MID1: variants seen among roughly 807,000 people sequenced by gnomAD.
The protein encoded by MID1 is midline 1.
Under a neutral mutation model 40.4 loss-of-function variants are expected in MID1, and 7 were observed. The ratio of observed to expected loss-of-function variants is 0.17; its 90% confidence interval spans 0.10 to 0.33. The LOEUF is 0.33. Among genes scored for constraint, MID1 ranks in the 10% least tolerant of loss-of-function variants. The pLI is 1.00. For missense variants in MID1, 367 were observed against 558.5 expected (o/e 0.66, Z 3.46); for synonymous variants, 229 against 221.2 (o/e 1.04, Z -0.31).
At chrX:10,639,590 T>G (rs943282906) in intron 1 of MID1, among the ~76,000 whole-genome samples, 26 of 111,886 alleles carry the variant, frequency 2.3e-4, no homozygotes, top group Non-Finnish European at 4.1e-4. Flanking sequence ...AAAACACTCT[T>G]CAGGATATTA....
At chrX:10,636,266 C>G (rs1179666644) in intron 1 of MID1, among the ~76,000 whole-genome samples, 2 of 112,016 alleles carry the variant, frequency 1.8e-5, no homozygotes, top group African/African-American at 3.2e-5. Flanking sequence ...TAAGAAAGCA[C>G]TTTCTCTTTC....
intron 1 of MID1, among the ~76,000 whole-genome samples, chrX:10,605,567 T>C (rs944763453): frequency 1.6e-4 from 18 of 112,296 alleles, no homozygotes; most frequent in Non-Finnish European, 2.3e-4. Flanking sequence ...CTGGTTCTTA[T>C]GGCTATAATG....
chrX:10,683,089 C>T (rs2043069998), intron 1 of MID1, among the ~76,000 whole-genome samples: 1 of 112,141 alleles, frequency 8.9e-6, no homozygotes, highest in Non-Finnish European at 1.9e-5. Flanking sequence ...GTCATTTTCT[C>T]TTCCTTGATC....
chrX:10,660,027 T>G (rs1189334366), intron 1 of MID1, among the ~76,000 whole-genome samples: 1 of 112,361 alleles, frequency 8.9e-6, no homozygotes, highest in African/African-American at 3.2e-5. Flanking sequence ...GAGAATGTTC[T>G]TAAGAATTCC....
At chrX:10,516,609 T>TGTGC (rs1491262374) in intron 3 of MID1, among the ~76,000 whole-genome samples, 95 of 50,353 alleles carry the variant, frequency 1.9e-3, no homozygotes, top group African/African-American at 3.8e-3. Context: ...TGTGTGTGTG[T>TGTGC]GCGCGCGCGC....
At chrX:10,571,942 A>T (rs1934738298) in intron 1 of MID1, among the ~76,000 whole-genome samples, 1 of 109,171 alleles carries the variant, frequency 9.2e-6, no homozygotes, top group African/African-American at 3.3e-5. Flanking sequence ...CATGCCAAAG[A>T]CAGACAGGGA....
At chrX:10,794,187 G>T (rs1044337661) in intron 1 of MID1, among the ~76,000 whole-genome samples, 1 of 112,036 alleles carries the variant, frequency 8.9e-6, no homozygotes, top group East Asian at 2.8e-4. Context: ...CATAGTCTTG[G>T]CTCTGTAGAA....
At chrX:10,592,635 C>T (rs1053183593) in intron 1 of MID1, among the ~76,000 whole-genome samples, 1 of 110,171 alleles carries the variant, frequency 9.1e-6, no homozygotes, top group Non-Finnish European at 1.9e-5. Context: ...TATATATATA[C>T]ATGTATATAT....
chrX:10,788,371 A>G (rs913995219), intron 1 of MID1, among the ~76,000 whole-genome samples: 11 of 111,389 alleles, frequency 9.9e-5, no homozygotes, highest in Non-Finnish European at 2.1e-4. Context: ...TGGTTGTGTC[A>G]CCTTTAAGAT....
chrX:10,810,696 C>CTGTGTGTG (rs370482398), intron 1 of MID1, among the ~76,000 whole-genome samples: 4,137 of 101,036 alleles, frequency 0.041, 224 homozygotes, highest in African/African-American at 0.14. Flanking sequence ...GTTGTTTTCT[C>CTGTGTGTG]TGTGTGTGTG....
At chrX:10,628,838 A>G (rs1265688355) in intron 1 of MID1, among the ~76,000 whole-genome samples, 3 of 112,356 alleles carry the variant, frequency 2.7e-5, no homozygotes, top group Non-Finnish European at 5.6e-5. Flanking sequence ...AAACTCTCGT[A>G]TCTATCATGG....
At chrX:10,817,576 CTT>C (rs1433004881) in intron 1 of MID1, among the ~76,000 whole-genome samples, 7 of 94,149 alleles carry the variant, frequency 7.4e-5, no homozygotes, top group South Asian at 5.0e-4. Context: ...TTCTTTCTCT[CTT>C]TCTTTCTTTC....
chrX:10,767,359 C>CTGTCG (rs1212572134), intron 1 of MID1, among the ~76,000 whole-genome samples: 1 of 110,558 alleles, frequency 9.0e-6, no homozygotes, highest in Non-Finnish European at 1.9e-5. Flanking sequence ...GAGTCTTGCT[C>CTGTCG]CACCAGGCTG....
At chrX:10,775,521 T>C (rs2043796231) in intron 1 of MID1, among the ~76,000 whole-genome samples, 1 of 112,384 alleles carries the variant, frequency 8.9e-6, no homozygotes, top group Non-Finnish European at 1.9e-5. Context: ...TGTTCATTAA[T>C]TGAGTCATGA....
At position 10,639,535 on chromosome X, in the gene MID1, G is replaced by A. The variant is rs138120171; in HGVS notation, c.-186-19116C>T. Among the ~76,000 whole-genome samples the A allele has an allele frequency of 7.9e-3, 880 of 111,862 alleles. 6 individuals carry two copies. The highest frequency in any genetic ancestry group is 0.018 in the Middle Eastern group (4 of 218). On this transcript the variant is annotated intron_variant, in intron 1 of 10. Coordinates refer to the MID1 transcript ENST00000380785. ...TATGTGAAAAGACCAAATCTACGTC[G>A]GATTGGTGTGCCTGAAAGTGACGGG...
intron 1 of MID1, among the ~76,000 whole-genome samples, chrX:10,750,554 C>T (rs2043590622): frequency 1.8e-5 from 2 of 110,593 alleles, no homozygotes; most frequent in African/African-American, 6.6e-5. Context: ...TTGCTGGAAC[C>T]TGGGAGGAGG....
intron 3 of MID1, among the ~76,000 whole-genome samples, chrX:10,509,101 G>A (rs1187428745): frequency 9.0e-6 from 1 of 111,669 alleles, no homozygotes; most frequent in Admixed American, 9.5e-5. Flanking sequence ...TAGAAGGGCA[G>A]GCAGGAAGGA....
intron 1 of MID1, among the ~76,000 whole-genome samples, chrX:10,569,041 T>C (rs1036644432): frequency 2.0e-4 from 22 of 111,837 alleles, no homozygotes; most frequent in Middle Eastern, 9.3e-3. Context: ...TCCAAAGCTA[T>C]GTTTAGTGAT....
intron 1 of MID1, among the ~76,000 whole-genome samples, chrX:10,822,077 T>C (rs1382258890): frequency 6.3e-5 from 7 of 110,771 alleles, no homozygotes; most frequent in Non-Finnish European, 3.8e-5. Flanking sequence ...TTATTATACT[T>C]GATCTTAAAA....
Sources: gnomAD v4.1 joint callset for allele counts (sites outside exome capture counted in the v4.1 genomes callset) on GRCh38, gnomAD v4.1.1 for gene constraint, MANE v1.5 for transcripts, NCBI Gene and HGNC (gene_info 2026-07-23, HGNC 2026-07-21) for gene names.